CFI: variants seen among roughly 807,000 people sequenced by gnomAD.
CFI encodes complement factor I, also known as C3B/C4B inactivator.
Under a neutral mutation model 78.8 loss-of-function variants are expected in CFI, and 66 were observed. That is an observed-to-expected ratio of 0.84 (90% confidence interval 0.69 to 1.03). CFI has a LOEUF of 1.03. Ranked by LOEUF, CFI falls within the 50% of genes least tolerant of loss-of-function variation. The pLI is 0.00. For missense variants in CFI, 706 were observed against 704.5 expected, an observed-to-expected ratio of 1.00 and a Z score of -0.02; for synonymous variants, 250 against 232.6, an observed-to-expected ratio of 1.07 and a Z score of -0.68.
At chr4:109,758,924 C>T (rs1439517019) in intron 6 of CFI, among the ~76,000 whole-genome samples, 1 of 152,192 alleles carries the variant, frequency 6.6e-6, no homozygotes, top group Non-Finnish European at 1.5e-5. Context: ...GAAACTCTGT[C>T]TCTTCTAAAA....
intron 1 of CFI, among the ~76,000 whole-genome samples, chr4:109,771,233 T>TA (rs1728544808): frequency 6.7e-6 from 1 of 148,912 alleles, no homozygotes; most frequent in Non-Finnish European, 1.5e-5. Context: ...CTACTCAAAA[T>TA]ACAAAAAAAA....
At position 109,781,811 on chromosome 4, in the gene CFI, A is replaced by G. The variant is rs548678766; in HGVS notation, c.58-14987T>C. The stretch of plus-strand genomic sequence containing the variant: ...CAACATATCAAAAAGATAATCTACC[A>G]TGATCAAGTAGGCTTCATACCAGGG... On this transcript the variant is annotated intron_variant, in intron 1 of 12. Transcript: ENST00000394634. 2.0e-4 allele frequency among the ~76,000 whole-genome samples: 31 copies of G among 152,336 alleles called. No homozygotes were observed. In the South Asian group the frequency reaches 6.0e-3, roughly 29 times the overall value.
intron 11 of CFI, among the ~76,000 whole-genome samples, chr4:109,743,955 A>G (rs1239717018): frequency 6.6e-6 from 1 of 152,146 alleles, no homozygotes; most frequent in Non-Finnish European, 1.5e-5. Flanking sequence ...ACTGCAGTTT[A>G]GCCTGGACAA....
chr4:109,745,032 C>T (rs974044397), intron 11 of CFI, among the ~76,000 whole-genome samples: 12 of 152,202 alleles, frequency 7.9e-5, no homozygotes, highest in African/African-American at 2.9e-4. Flanking sequence ...ATATATTTTA[C>T]ACCTTCCAAT....
At chr4:109,758,781 A>G (rs555585125) in intron 6 of CFI, among the ~76,000 whole-genome samples, 1 of 152,224 alleles carries the variant, frequency 6.6e-6, no homozygotes, top group East Asian at 1.9e-4. Flanking sequence ...CAGGAAATAC[A>G]TGCAAGACTC....
At chr4:109,753,426 ATAATATATTTATTATATAATAAATATT>A (rs1384577834) in intron 7 of CFI, among the ~76,000 whole-genome samples, 4,612 of 84,036 alleles carry the variant, frequency 0.055, 629 homozygotes, top group East Asian at 0.12. Flanking sequence ...ATAAATATTT[ATAATATATTTATTATATAATAAATATT>A]TATATATATA....
chr4:109,798,366 A>C (rs1406070401), intron 1 of CFI, among the ~76,000 whole-genome samples: 1 of 152,148 alleles, frequency 6.6e-6, no homozygotes, highest in Non-Finnish European at 1.5e-5. Context: ...AGTGAGAGGA[A>C]ACTTTTAGAA....
chr4:109,738,769 G>C (rs963377455), downstream of CFI, among the ~76,000 whole-genome samples: 6 of 152,172 alleles, frequency 3.9e-5, no homozygotes, highest in African/African-American at 1.4e-4. Context: ...AGTCCGCCCA[G>C]CCCAGGCACC....
At chr4:109,782,349 C>T (rs907209868) in intron 1 of CFI, among the ~76,000 whole-genome samples, 1 of 149,532 alleles carries the variant, frequency 6.7e-6, no homozygotes, top group African/African-American at 2.5e-5. Flanking sequence ...GATTAATGTA[C>T]ACAAATCAAT....
chr4:109,771,140 C>T (rs1728533675), intron 1 of CFI, among the ~76,000 whole-genome samples: 1 of 152,030 alleles, frequency 6.6e-6, no homozygotes, highest in South Asian at 2.1e-4. Flanking sequence ...TCCTGTAATC[C>T]CAGCACTTTG....
intron 1 of CFI, among the ~76,000 whole-genome samples, chr4:109,789,412 G>GA (rs1357962563): frequency 6.6e-6 from 1 of 150,784 alleles, no homozygotes; most frequent in Non-Finnish European, 1.5e-5. Context: ...ATAACTAAGA[G>GA]AAAATCTTCA....
At chr4:109,756,549 G>C (rs1030126777) in intron 7 of CFI, among the ~76,000 whole-genome samples, 1 of 151,966 alleles carries the variant, frequency 6.6e-6, no homozygotes, top group African/African-American at 2.4e-5. Context: ...GGGTGGTCTT[G>C]AGCTAGCCAG....
intron 1 of CFI, among the ~76,000 whole-genome samples, chr4:109,778,460 A>G (rs1729566795): frequency 6.6e-6 from 1 of 152,228 alleles, no homozygotes; most frequent in Admixed American, 6.5e-5. Flanking sequence ...ATAGACCAAT[A>G]AGAGGTTCTG....
intron 1 of CFI, 99 bp downstream of exon 1, chr4:109,801,816 A>G: frequency 1.3e-6 from 1 of 783,428 alleles, no homozygotes; most frequent in Non-Finnish European, 2.1e-6. Context: ...GAACTATGTA[A>G]TATTTAAATC....
At chr4:109,776,626 A>G (rs1365328064) in intron 1 of CFI, among the ~76,000 whole-genome samples, 6 of 152,248 alleles carry the variant, frequency 3.9e-5, no homozygotes, top group Non-Finnish European at 7.3e-5. Context: ...AGAGAATGCC[A>G]CAAAGATACT....
chr4:109,759,271 T>C (rs1726721236), intron 6 of CFI, among the ~76,000 whole-genome samples: 1 of 150,128 alleles, frequency 6.7e-6, no homozygotes, highest in Non-Finnish European at 1.5e-5. Context: ...AAAAAAATAA[T>C]AATAGTATGA....
chr4:109,757,531 A>G (rs184207092), intron 7 of CFI, among the ~76,000 whole-genome samples: 169 of 152,272 alleles, frequency 1.1e-3, no homozygotes, highest in Admixed American at 1.8e-3. Flanking sequence ...ATGTGCAGGG[A>G]AGAGTCCACT....
chr4:109,745,100 T>A (rs1724250240), intron 11 of CFI, among the ~76,000 whole-genome samples: 1 of 152,228 alleles, frequency 6.6e-6, no homozygotes, highest in African/African-American at 2.4e-5. Context: ...GCAATGAAGG[T>A]ACTTAGAGTT....
chr4:109,776,111 G>A (rs1486246083), intron 1 of CFI, among the ~76,000 whole-genome samples: 1 of 152,192 alleles, frequency 6.6e-6, no homozygotes, highest in Non-Finnish European at 1.5e-5. Context: ...AAGCTGGATG[G>A]AGAATGATTT....
Sources: allele counts gnomAD v4.1 joint callset (sites outside exome capture counted in the v4.1 genomes callset), GRCh38; gene constraint gnomAD v4.1.1; transcripts MANE v1.5; gene names NCBI Gene and HGNC (gene_info 2026-07-23, HGNC 2026-07-21).